Variants in TLL2 observed in about 807,000 individuals in gnomAD.
TLL2 encodes the protein tolloid like 2.
In TLL2, 106 loss-of-function variants were observed where a neutral mutation model predicts 123.0. That is an observed-to-expected ratio of 0.86 (90% confidence interval 0.74 to 1.01). The LOEUF is 1.01. TLL2 is among the 50% of genes least tolerant of loss of function. The pLI, the probability that TLL2 is intolerant of heterozygous loss-of-function variation, is 0.00. For synonymous variants in TLL2, 494 were observed against 516.8 expected, an observed-to-expected ratio of 0.96 and a Z score of 0.60; for missense variants, 1,332 against 1,336.7, an observed-to-expected ratio of 1.00 and a Z score of 0.06.
chr10:96,416,465 T>C (rs942058622), intron 7 of TLL2, among the ~76,000 whole-genome samples: 1 of 152,176 alleles, frequency 6.6e-6, no homozygotes, highest in African/African-American at 2.4e-5. Context: ...GCTCTCACTC[T>C]ACAGGGGAGA....
At chr10:96,378,768 A>C (rs1846159535) in intron 17 of TLL2, among the ~76,000 whole-genome samples, 199 bp downstream of exon 17, 1 of 152,194 alleles carries the variant, frequency 6.6e-6, no homozygotes, top group Non-Finnish European at 1.5e-5. Flanking sequence ...AGCCTAGAGC[A>C]CCTGAGGCCC....
At chr10:96,446,060 T>A in intron 3 of TLL2, 31 bp downstream of exon 3, 2 of 1,609,512 alleles carry the variant, frequency 1.2e-6, no homozygotes, top group Non-Finnish European at 1.7e-6. Flanking sequence ...GAAAACAAGG[T>A]ACCCAAAGAC....
chr10:96,513,911 C>G lies in TLL2; in HGVS notation c.-226G>C. 1 of 504,918 alleles carries G rather than the reference C, an allele frequency of 2.0e-6. No individual in the cohort carries two copies. The highest frequency in any genetic ancestry group is 5.1e-4 in the Middle Eastern group (1 of 1,968). The allele number at this position is 504,918 out of a possible 1,614,324, so 31.3% of individuals were successfully genotyped here. On this transcript the variant is annotated 5_prime_UTR_variant, in exon 1 of 21. Coordinates refer to ENST00000357947, the MANE Select transcript of TLL2 (RefSeq NM_012465.4). ...GCTACTTGCCCGGCGGCCGAGGCTGCGGCGGCTGCGAGTGTGGCGGTGGCG... is the reference window on the plus strand; with the variant it reads ...GCTACTTGCCCGGCGGCCGAGGCTGGGGCGGCTGCGAGTGTGGCGGTGGCG...
chr10:96,376,944 G>T (rs1846144071), intron 17 of TLL2, 125 bp from the exon 18 acceptor site: 3 of 921,166 alleles, frequency 3.3e-6, no homozygotes, highest in Non-Finnish European at 4.6e-6. Flanking sequence ...AAATATGGGG[G>T]TGGGGTATCC....
At chr10:96,413,456 C>T (rs547993824) in intron 7 of TLL2, 140 bp from the exon 8 acceptor site, 6 of 1,077,878 alleles carry the variant, frequency 5.6e-6, no homozygotes, top group Non-Finnish European at 7.8e-6. Flanking sequence ...GCTGGCATGA[C>T]TGAAGAGGTT....
chr10:96,435,095 G>A (rs1282952656), intron 3 of TLL2, among the ~76,000 whole-genome samples: 3 of 147,116 alleles, frequency 2.0e-5, no homozygotes, highest in Non-Finnish European at 3.0e-5. Flanking sequence ...ACAGTGGCAC[G>A]ATCTCGGCTC....
intron 7 of TLL2, among the ~76,000 whole-genome samples, chr10:96,419,426 G>T (rs1846598019): frequency 6.6e-6 from 1 of 152,018 alleles, no homozygotes; most frequent in African/African-American, 2.4e-5. Context: ...AAAGGCAAGG[G>T]GTCACAGGAG....
At chr10:96,481,130 T>C (rs904392277) in intron 1 of TLL2, among the ~76,000 whole-genome samples, 3 of 129,438 alleles carry the variant, frequency 2.3e-5, no homozygotes, top group Non-Finnish European at 4.9e-5. Flanking sequence ...AACACTGTTT[T>C]TTTTGTTGGG....
chr10:96,452,189 T>G (rs1055960525), intron 2 of TLL2, among the ~76,000 whole-genome samples: 1 of 152,190 alleles, frequency 6.6e-6, no homozygotes, highest in Admixed American at 6.5e-5. Context: ...TTAAGCACTT[T>G]GAGGAAATTA....
chr10:96,475,670 G>GC (rs1044237394), intron 2 of TLL2, among the ~76,000 whole-genome samples: 2 of 152,116 alleles, frequency 1.3e-5, no homozygotes, highest in African/African-American at 4.8e-5. Flanking sequence ...AGGGTTCTGG[G>GC]CCCTTCCCCC....
At chr10:96,468,660 T>C (rs1226050466) in intron 2 of TLL2, among the ~76,000 whole-genome samples, 1 of 152,194 alleles carries the variant, frequency 6.6e-6, no homozygotes, top group Non-Finnish European at 1.5e-5. Context: ...CATCTCCCAA[T>C]TTTGATTCAG....
At chr10:96,423,276 A>G (rs1337768675) in intron 5 of TLL2, among the ~76,000 whole-genome samples, 1 of 152,188 alleles carries the variant, frequency 6.6e-6, no homozygotes, top group Non-Finnish European at 1.5e-5. Context: ...TTGAAAAGCC[A>G]ACAAAAGATA....
intron 3 of TLL2, among the ~76,000 whole-genome samples, chr10:96,439,656 A>G (rs897794455): frequency 6.6e-6 from 1 of 151,674 alleles, no homozygotes; most frequent in African/African-American, 2.4e-5. Context: ...AAAAGGTAAT[A>G]TTTTTTTCAG....
At chr10:96,413,868 T>C (rs1042232838) in intron 7 of TLL2, among the ~76,000 whole-genome samples, 2 of 151,984 alleles carry the variant, frequency 1.3e-5, no homozygotes, top group African/African-American at 2.4e-5. Flanking sequence ...CAAGAAGTAG[T>C]GAAAAAAGCC....
At chr10:96,503,199 C>T (rs970714996) in intron 1 of TLL2, among the ~76,000 whole-genome samples, 1 of 152,008 alleles carries the variant, frequency 6.6e-6, no homozygotes, top group African/African-American at 2.4e-5. Flanking sequence ...CTCTTAGCAG[C>T]CCTGAGAGGG....
chr10:96,462,887 G>T (rs946763449), intron 2 of TLL2, among the ~76,000 whole-genome samples: 16 of 152,162 alleles, frequency 1.1e-4, no homozygotes, highest in African/African-American at 3.6e-4. Flanking sequence ...GCACAAAAAT[G>T]CTTAAAATAT....
chr10:96,495,060 G>T (rs933749669), intron 1 of TLL2, among the ~76,000 whole-genome samples: 1 of 152,050 alleles, frequency 6.6e-6, no homozygotes, highest in Non-Finnish European at 1.5e-5. Context: ...ATTTGCTTGG[G>T]GCCTGCTGTT....
intron 9 of TLL2, among the ~76,000 whole-genome samples, chr10:96,405,713 A>G (rs746966738): frequency 6.6e-6 from 1 of 152,220 alleles, no homozygotes; most frequent in Non-Finnish European, 1.5e-5. Context: ...TTATAACATC[A>G]TCAATCATTC....
chr10:96,480,276 G>C, intron 2 of TLL2, 73 bp downstream of exon 2: 1 of 1,247,966 alleles, frequency 8.0e-7, no homozygotes, highest in Non-Finnish European at 1.2e-6. Context: ...GATGACTCGT[G>C]GACCACATCT....
Sources: allele counts gnomAD v4.1 joint callset (sites outside exome capture counted in the v4.1 genomes callset), GRCh38; gene constraint gnomAD v4.1.1; transcripts MANE v1.5; gene names NCBI Gene and HGNC (gene_info 2026-07-23, HGNC 2026-07-21).